Variants in HS3ST4 observed in about 807,000 individuals in gnomAD.
HS3ST4 encodes heparan sulfate-glucosamine 3-sulfotransferase 4.
A neutral mutation model predicts 29.2 loss-of-function variants in HS3ST4; 17 were observed. That is an observed-to-expected ratio of 0.58 (90% CI 0.40 to 0.87). The LOEUF (loss-of-function observed/expected upper bound fraction) is 0.87. Among genes scored for constraint, HS3ST4 ranks in the 40% least tolerant of loss-of-function variants. The pLI, the probability that HS3ST4 is intolerant of heterozygous loss-of-function variation, is 0.00. For synonymous variants in HS3ST4, 314 were observed against 285.7 expected (o/e 1.10, Z -1.00); for missense variants, 627 against 634.5 (o/e 0.99, Z 0.13).
In HS3ST4 at chr16:25,736,599, A is replaced by G. The variant is rs573005875; in HGVS notation, c.734+43448A>G. Among the ~76,000 whole-genome samples the G allele has an allele frequency of 3.3e-5, 5 of 152,368 alleles. No homozygotes were observed. The South Asian group carries it at 8.3e-4, about 25-fold the overall frequency. On this transcript the variant is annotated intron_variant, in intron 1 of 1. Transcript: ENST00000331351. The stretch of plus-strand genomic sequence containing the variant: ...AACATTTTATTTTCATGGAAAGAAC[A>G]TCCTTATACTAAGACATTTATCTTC...
At chr16:25,874,844 C>G (rs1967813279) in intron 1 of HS3ST4, among the ~76,000 whole-genome samples, 1 of 152,128 alleles carries the variant, frequency 6.6e-6, no homozygotes, top group African/African-American at 2.4e-5. Flanking sequence ...GGATTCAAAT[C>G]CTGGCTCCAC....
intron 1 of HS3ST4, among the ~76,000 whole-genome samples, chr16:26,072,196 C>T (rs762258213): frequency 2.0e-5 from 3 of 152,168 alleles, no homozygotes; most frequent in Non-Finnish European, 2.9e-5. Flanking sequence ...CTTTCTGGGC[C>T]TCTGTGTTCT....
intron 1 of HS3ST4, among the ~76,000 whole-genome samples, chr16:25,937,358 A>G (rs1968527137): frequency 2.6e-5 from 4 of 152,238 alleles, no homozygotes; most frequent in Admixed American, 2.0e-4. Context: ...CCCATAGACT[A>G]TTTATTTTTA....
At chr16:25,839,291 C>G (rs561479490) in intron 1 of HS3ST4, among the ~76,000 whole-genome samples, 1 of 152,276 alleles carries the variant, frequency 6.6e-6, no homozygotes, top group East Asian at 1.9e-4. Flanking sequence ...ATGAAGAAAG[C>G]AAAGGAAATC....
intron 1 of HS3ST4, among the ~76,000 whole-genome samples, chr16:25,744,114 A>G (rs2141598835): frequency 6.6e-6 from 1 of 152,330 alleles, no homozygotes; most frequent in South Asian, 2.1e-4. Flanking sequence ...TAAAAAGCAT[A>G]CTAGAAAATC....
Position 25,754,307 on chromosome 16 carries a change from T to C in HS3ST4, c.734+61156T>C, listed in dbSNP as rs186285390. Among the ~76,000 whole-genome samples the C allele has an allele frequency of 1.4e-4, 22 of 152,108 alleles. No individual in the cohort carries two copies. The East Asian group carries it at 1.9e-3, about 13-fold the overall frequency. Reference sequence around the variant, plus strand: ...ATCACACACTCCATACAGCTACCCATCCACTTATCCATCCATCCACCCACC... The same window carrying C: ...ATCACACACTCCATACAGCTACCCACCCACTTATCCATCCATCCACCCACC... On this transcript the variant is annotated intron_variant, in intron 1 of 1. Coordinates refer to ENST00000331351, the MANE Select transcript of HS3ST4 (RefSeq NM_006040.3).
chr16:26,107,084 G>C (rs1030477401), intron 1 of HS3ST4, among the ~76,000 whole-genome samples: 2 of 152,090 alleles, frequency 1.3e-5, no homozygotes, highest in Non-Finnish European at 2.9e-5. Context: ...TGATCTGACA[G>C]TGCCTTGAAT....
chr16:25,956,446 C>CA, intron 1 of HS3ST4, among the ~76,000 whole-genome samples: 1 of 152,242 alleles, frequency 6.6e-6, no homozygotes, highest in Admixed American at 6.5e-5. Context: ...ACCTAATACT[C>CA]AAAGTCCTAG....
intron 1 of HS3ST4, among the ~76,000 whole-genome samples, chr16:25,713,276 C>T (rs1283828754): frequency 1.3e-5 from 2 of 152,026 alleles, no homozygotes; most frequent in Non-Finnish European, 2.9e-5. Context: ...CATCTGTAAT[C>T]CCAGCACTTT....
chr16:26,128,167 A>G (rs1177629815), intron 1 of HS3ST4, among the ~76,000 whole-genome samples: 1 of 152,046 alleles, frequency 6.6e-6, no homozygotes, highest in Non-Finnish European at 1.5e-5. Context: ...GACACTTATC[A>G]TTCTGTTTGA....
intron 1 of HS3ST4, chr16:25,886,886 G>A (rs1967959808): frequency 6.6e-6 from 1 of 152,240 alleles, no homozygotes; most frequent in Non-Finnish European, 1.5e-5. Context: ...CACCAGCATG[G>A]AGCTGACTGT....
chr16:25,847,553 CT>C (rs1967478621), intron 1 of HS3ST4, among the ~76,000 whole-genome samples: 1 of 152,118 alleles, frequency 6.6e-6, no homozygotes, highest in African/African-American at 2.4e-5. Context: ...TGATAATCAA[CT>C]TTTTAATCTA....
intron 1 of HS3ST4, among the ~76,000 whole-genome samples, chr16:25,927,410 C>T (rs1339874536): frequency 6.6e-6 from 1 of 152,236 alleles, no homozygotes; most frequent in Non-Finnish European, 1.5e-5. Flanking sequence ...GAGGCCCCAG[C>T]TCTCTTGGGA....
chr16:26,000,682 T>A (rs533071807), intron 1 of HS3ST4, among the ~76,000 whole-genome samples: 1 of 152,058 alleles, frequency 6.6e-6, no homozygotes, highest in Admixed American at 6.6e-5. Context: ...CCCTGGGAGG[T>A]CAGACAGTCA....
chr16:25,873,508 ATCTATCTATCTATCTG>A lies in HS3ST4; in HGVS notation c.734+180373_734+180388del, dbSNP rs1312774411. Among the ~76,000 whole-genome samples, 143 of 144,602 alleles carry A rather than the reference ATCTATCTATCTATCTG, an allele frequency of 9.9e-4. 6 individuals are homozygous for A. In the South Asian group the frequency reaches 0.015, roughly 15 times the overall value. 94.9% of individuals were successfully genotyped at this position (144,602 alleles called of 152,430 possible). A position where few individuals can be genotyped will look rare whatever the true frequency, so the allele number is the denominator to read the frequency against. On this transcript the variant is annotated intron_variant, in intron 1 of 1. Coordinates refer to ENST00000331351, the MANE Select transcript of HS3ST4 (RefSeq NM_006040.3). ...TATCTATCTATCTATCTATCTATCT[ATCTATCTATCTATCTG>A]TCTATCTATCTATCTTTCTCTATCT...
intron 1 of HS3ST4, among the ~76,000 whole-genome samples, chr16:25,961,842 CACTT>C: frequency 6.6e-6 from 1 of 150,628 alleles, no homozygotes; most frequent in Non-Finnish European, 1.5e-5. Flanking sequence ...ATAAAACTTA[CACTT>C]AAAGTTTCTT....
At chr16:25,807,914 C>T (rs1220646121) in intron 1 of HS3ST4, among the ~76,000 whole-genome samples, 3 of 152,060 alleles carry the variant, frequency 2.0e-5, no homozygotes, top group African/African-American at 4.8e-5. Flanking sequence ...TTGAACATCT[C>T]GTCATGTGCT....
Position 25,821,197 on chromosome 16 carries a change from A to G in HS3ST4, c.734+128046A>G, listed in dbSNP as rs185410292. On this transcript the variant is annotated intron_variant, in intron 1 of 1. Transcript: ENST00000331351. ...CTCAGCCTCCCGAGTAGCTGGGACT[A>G]CAGGCACCCGCCACCAAGCCTGGCT... 1.5e-4 allele frequency among the ~76,000 whole-genome samples: 23 copies of G among 151,594 alleles called. No homozygotes were observed. The East Asian group carries it at 4.5e-3, about 30-fold the overall frequency.
intron 1 of HS3ST4, among the ~76,000 whole-genome samples, chr16:26,006,994 G>A (rs1444622817): frequency 6.6e-6 from 1 of 152,216 alleles, no homozygotes; most frequent in African/African-American, 2.4e-5. Context: ...ATGAGGGTTG[G>A]TTAGATCAGA....
Sources: gnomAD v4.1 joint callset for allele counts (sites outside exome capture counted in the v4.1 genomes callset) on GRCh38, gnomAD v4.1.1 for gene constraint, MANE v1.5 for transcripts, NCBI Gene and HGNC (gene_info 2026-07-23, HGNC 2026-07-21) for gene names.